The following SLC39A12 variants were observed in gnomAD, a reference collection of about 807,000 sequenced individuals.
The protein encoded by SLC39A12 is zinc transporter ZIP12.
In SLC39A12, 63 loss-of-function variants were observed where a neutral mutation model predicts 71.1. The observed-to-expected ratio is 0.89, with a 90% confidence interval of 0.72 to 1.09. The LOEUF (loss-of-function observed/expected upper bound fraction) is 1.09, where lower values mean the gene tolerates loss of function less well. Ranked by LOEUF, SLC39A12 falls within the 50% of genes least tolerant of loss-of-function variation. The probability of loss-of-function intolerance (pLI) is 0.00; values close to 1 mark genes in which losing one functional copy is unlikely to be tolerated. For missense variants in SLC39A12, 892 were observed against 812.6 expected, an observed-to-expected ratio of 1.10 and a Z score of -1.19; for synonymous variants, 351 against 301.3, an observed-to-expected ratio of 1.16 and a Z score of -1.71.
At chr10:17,983,365 G>C (rs1015053614) in intron 6 of SLC39A12, among the ~76,000 whole-genome samples, 1 of 151,922 alleles carries the variant, frequency 6.6e-6, no homozygotes, top group Non-Finnish European at 1.5e-5. Flanking sequence ...GCACGTACCT[G>C]TGGTCTCAGA....
intron 12 of SLC39A12, among the ~76,000 whole-genome samples, chr10:18,037,076 C>T (rs1216533854): frequency 6.6e-6 from 1 of 151,850 alleles, no homozygotes; most frequent in African/African-American, 2.4e-5. Flanking sequence ...TGTGAGCCAC[C>T]ATGCCCAGCC....
chr10:18,017,493 G>A (rs945529231), intron 12 of SLC39A12, among the ~76,000 whole-genome samples: 5 of 152,128 alleles, frequency 3.3e-5, no homozygotes, highest in Admixed American at 2.6e-4. Flanking sequence ...ATTTTTAGTA[G>A]AGACGGGGTT....
At chr10:18,019,663 CAT>C (rs971469449) in intron 12 of SLC39A12, among the ~76,000 whole-genome samples, 5 of 151,962 alleles carry the variant, frequency 3.3e-5, no homozygotes, top group African/African-American at 9.7e-5. Flanking sequence ...TTTCTTAACT[CAT>C]GTGTTATTTA....
chr10:18,002,906 A>G (rs752872876), intron 11 of SLC39A12: 5 of 310,434 alleles, frequency 1.6e-5, no homozygotes, highest in Non-Finnish European at 1.8e-5. Context: ...CAAGAACTCA[A>G]GAATATGTCA....
At chr10:17,966,041 A>G (rs1298333935) in intron 4 of SLC39A12, among the ~76,000 whole-genome samples, 1 of 152,226 alleles carries the variant, frequency 6.6e-6, no homozygotes, top group Non-Finnish European at 1.5e-5. Context: ...AGAATGAAAG[A>G]ATAGTATTCT....
intron 4 of SLC39A12, among the ~76,000 whole-genome samples, chr10:17,970,916 C>T (rs1200345337): frequency 6.6e-6 from 1 of 152,026 alleles, no homozygotes; most frequent in Non-Finnish European, 1.5e-5. Flanking sequence ...TGTTCTCATT[C>T]ATTATGATAC....
intron 2 of SLC39A12, among the ~76,000 whole-genome samples, chr10:17,955,504 G>A (rs1437701280): frequency 2.0e-5 from 3 of 152,124 alleles, no homozygotes; most frequent in Non-Finnish European, 1.5e-5. Flanking sequence ...GTTCTGGCGC[G>A]AACCACAGAG....
rs567523735 is a variant in SLC39A12, at chr10:18,036,867, A to G, written c.1948-5838A>G. ...AGTGGCACAGTCTCGACTCACTGCA[A>G]CCTCCGCCTCCCAGGTTTAAACGAT... On this transcript the variant is annotated intron_variant, in intron 12 of 12. Transcript: ENST00000377369. Among the ~76,000 whole-genome samples the G allele has an allele frequency of 2.1e-4, 31 of 146,188 alleles. No individual in the cohort carries two copies. The South Asian group carries it at 2.7e-3, about 13-fold the overall frequency.
intron 12 of SLC39A12, among the ~76,000 whole-genome samples, chr10:18,023,666 T>A (rs1836596146): frequency 6.6e-6 from 1 of 152,154 alleles, no homozygotes; most frequent in South Asian, 2.1e-4. Flanking sequence ...CTTATGCTGG[T>A]TGCAGTGTGC....
intron 5 of SLC39A12, among the ~76,000 whole-genome samples, chr10:17,978,630 C>T (rs1326614731): frequency 1.3e-5 from 2 of 152,100 alleles, no homozygotes; most frequent in Non-Finnish European, 2.9e-5. Flanking sequence ...TCATGGAGAC[C>T]TTATTTGAAT....
chr10:17,963,668 T>C (rs1834749769), intron 3 of SLC39A12, among the ~76,000 whole-genome samples: 1 of 152,162 alleles, frequency 6.6e-6, no homozygotes, highest in Non-Finnish European at 1.5e-5. Flanking sequence ...GTCCAGACTT[T>C]GCAGGAGGCT....
At chr10:17,958,061 T>A (rs892198610) in intron 2 of SLC39A12, among the ~76,000 whole-genome samples, 1 of 152,234 alleles carries the variant, frequency 6.6e-6, no homozygotes, top group Non-Finnish European at 1.5e-5. Context: ...CCATATTGTA[T>A]GCCTTTTATA....
intron 11 of SLC39A12, 79 bp from the exon 12 acceptor site, chr10:18,003,092 A>G: frequency 7.6e-7 from 1 of 1,322,542 alleles, no homozygotes. Flanking sequence ...GACATTCGAA[A>G]TAGCTAATAG....
At chr10:18,027,940 G>C (rs1021558246) in intron 12 of SLC39A12, among the ~76,000 whole-genome samples, 1 of 152,184 alleles carries the variant, frequency 6.6e-6, no homozygotes, top group African/African-American at 2.4e-5. Context: ...TGTTCCTCTA[G>C]AAATTAAACA....
At chr10:17,953,004 G>T (rs1376824145) in intron 1 of SLC39A12, among the ~76,000 whole-genome samples, 187 bp from the exon 2 acceptor site, 1 of 152,180 alleles carries the variant, frequency 6.6e-6, no homozygotes, top group Non-Finnish European at 1.5e-5. Flanking sequence ...CTTTTTGGCT[G>T]CTGTGCAGTT....
chr10:17,952,647 C>A (rs1554847247), intron 1 of SLC39A12, among the ~76,000 whole-genome samples: 1 of 151,962 alleles, frequency 6.6e-6, no homozygotes, highest in East Asian at 1.9e-4. Flanking sequence ...GCCACCATAC[C>A]TGGCTAATTT....
intron 3 of SLC39A12, among the ~76,000 whole-genome samples, chr10:17,963,271 A>G (rs1554848618): frequency 6.6e-6 from 1 of 152,190 alleles, no homozygotes; most frequent in Non-Finnish European, 1.5e-5. Flanking sequence ...TCAGTACAAC[A>G]TCTGTGTAAT....
At chr10:18,009,818 A>C (rs1040098965) in intron 12 of SLC39A12, 1 of 152,202 alleles carries the variant, frequency 6.6e-6, no homozygotes, top group African/African-American at 2.4e-5. Context: ...CCTTTAAAAC[A>C]TATCCAAAAA....
intron 4 of SLC39A12, among the ~76,000 whole-genome samples, chr10:17,974,527 T>C (rs116426374): frequency 0.014 from 2,109 of 152,294 alleles, 45 homozygotes; most frequent in African/African-American, 0.044. Flanking sequence ...CTTGCAGACT[T>C]ATACAGATAT....
Sources: allele counts gnomAD v4.1 joint callset (sites outside exome capture counted in the v4.1 genomes callset), GRCh38; gene constraint gnomAD v4.1.1; transcripts MANE v1.5; gene names NCBI Gene and HGNC (gene_info 2026-07-23, HGNC 2026-07-21).